Variants in OSBP2 observed in about 807,000 individuals in gnomAD.
The protein encoded by OSBP2 is oxysterol binding protein 2.
A neutral mutation model predicts 96.0 loss-of-function variants in OSBP2; 66 were observed. The observed-to-expected ratio is 0.69, with a 90% CI of 0.56 to 0.84. The LOEUF (loss-of-function observed/expected upper bound fraction) is 0.84, where lower values mean the gene tolerates loss of function less well. Ranked by LOEUF, OSBP2 falls within the 40% of genes least tolerant of loss-of-function variation. The pLI, the probability that OSBP2 is intolerant of heterozygous loss-of-function variation, is 0.00. For synonymous variants in OSBP2, 525 were observed against 520.9 expected, an observed-to-expected ratio of 1.01 and a Z score of -0.11; for missense variants, 1,038 against 1,222.7, an observed-to-expected ratio of 0.85 and a Z score of 2.25.
intron 2 of OSBP2, among the ~76,000 whole-genome samples, chr22:30,756,091 G>C (rs2090137392): frequency 6.6e-6 from 1 of 152,182 alleles, no homozygotes; most frequent in Non-Finnish European, 1.5e-5. Flanking sequence ...CTTAAAATCA[G>C]AAGCCCTGTT....
At chr22:30,764,119 C>A in intron 2 of OSBP2, 2 of 390,378 alleles carry the variant, frequency 5.1e-6, no homozygotes, top group Non-Finnish European at 7.0e-6. Flanking sequence ...TTCTGGGGGG[C>A]TAGCCTAGCG....
At chr22:30,852,012 G>A (rs900968590) in intron 2 of OSBP2, among the ~76,000 whole-genome samples, 1 of 152,092 alleles carries the variant, frequency 6.6e-6, no homozygotes, top group Non-Finnish European at 1.5e-5. Flanking sequence ...TTGCACGCCT[G>A]AGATAAACCC....
At chr22:30,788,826 C>T (rs774670499) in intron 2 of OSBP2, among the ~76,000 whole-genome samples, 18 of 152,138 alleles carry the variant, frequency 1.2e-4, no homozygotes, top group Non-Finnish European at 2.1e-4. Context: ...GATTCTCCTG[C>T]CTCAGCCTTC....
intron 2 of OSBP2, among the ~76,000 whole-genome samples, chr22:30,806,972 G>A (rs1003441291): frequency 2.0e-5 from 3 of 152,178 alleles, no homozygotes; most frequent in Non-Finnish European, 2.9e-5. Context: ...CTGAGTTCCA[G>A]GCATTGAAAT....
intron 2 of OSBP2, among the ~76,000 whole-genome samples, chr22:30,804,493 TG>T (rs1389347062): frequency 6.6e-6 from 1 of 152,072 alleles, no homozygotes; most frequent in African/African-American, 2.4e-5. Flanking sequence ...ATATGTGAGA[TG>T]ATGTGCTGGT....
chr22:30,865,104 C>T (rs2039305548), intron 2 of OSBP2, among the ~76,000 whole-genome samples: 1 of 152,170 alleles, frequency 6.6e-6, no homozygotes, highest in South Asian at 2.1e-4. Flanking sequence ...CTAAAAATAG[C>T]CCACCTGGCT....
At chr22:30,860,035 T>C (rs1227057138) in intron 2 of OSBP2, among the ~76,000 whole-genome samples, 1 of 152,204 alleles carries the variant, frequency 6.6e-6, no homozygotes, top group Non-Finnish European at 1.5e-5. Flanking sequence ...ACGTTAAAGC[T>C]GGCAGGACCT....
rs914856409 is a variant in OSBP2, at chr22:30,737,072, A to G, written c.645-4089A>G. 3.3e-5 allele frequency among the ~76,000 whole-genome samples: 5 copies of G among 152,042 alleles called. No individual in the cohort carries two copies. The East Asian group carries it at 7.8e-4, about 24-fold the overall frequency. ...GCTCTGTTGCCCAGGCTGGAGTGCA[A>G]TGGTGCAATCTTGGCTCGCTGCACC... On this transcript the variant is annotated intron_variant, in intron 1 of 13. Transcript: ENST00000332585.
At chr22:30,733,893 T>C (rs1460011838) in intron 1 of OSBP2, among the ~76,000 whole-genome samples, 1 of 152,198 alleles carries the variant, frequency 6.6e-6, no homozygotes, top group African/African-American at 2.4e-5. Context: ...CTGCAGATGT[T>C]TAGTATTTTG....
intron 2 of OSBP2, among the ~76,000 whole-genome samples, chr22:30,823,111 A>G (rs1164719037): frequency 6.6e-6 from 1 of 152,144 alleles, no homozygotes; most frequent in Non-Finnish European, 1.5e-5. Flanking sequence ...TGATTTGCCC[A>G]CAAGGGCCTC....
chr22:30,707,385 C>A (rs2089271336), intron 1 of OSBP2, among the ~76,000 whole-genome samples: 1 of 152,144 alleles, frequency 6.6e-6, no homozygotes, highest in African/African-American at 2.4e-5. Context: ...GCGTGAGCCA[C>A]CGTGCCCGGC....
chr22:30,804,381 A>G (rs891101757), intron 2 of OSBP2, among the ~76,000 whole-genome samples: 1 of 152,206 alleles, frequency 6.6e-6, no homozygotes, highest in African/African-American at 2.4e-5. Flanking sequence ...TGTTCCGTCT[A>G]TCTAGCTTAA....
chr22:30,850,856 G>A (rs781170725), intron 2 of OSBP2, among the ~76,000 whole-genome samples: 1 of 152,104 alleles, frequency 6.6e-6, no homozygotes, highest in South Asian at 2.1e-4. Context: ...AGTCTCCTGG[G>A]TTACTGAATG....
intron 1 of OSBP2, among the ~76,000 whole-genome samples, chr22:30,731,017 G>A (rs5753297): frequency 0.13 from 19,424 of 149,312 alleles, 1,942 homozygotes; most frequent in East Asian, 0.38. Context: ...TACTAAAGAT[G>A]CAAAAAATTA....
intron 1 of OSBP2, among the ~76,000 whole-genome samples, chr22:30,703,656 A>G (rs2145672665): frequency 6.6e-6 from 1 of 151,988 alleles, no homozygotes; most frequent in African/African-American, 2.4e-5. Flanking sequence ...TTGTATTTTT[A>G]GTAGAGACGG....
intron 2 of OSBP2, among the ~76,000 whole-genome samples, chr22:30,765,730 A>T (rs977646490): frequency 6.6e-6 from 1 of 152,170 alleles, no homozygotes; most frequent in African/African-American, 2.4e-5. Context: ...GACAAAAGTG[A>T]TGGTGTAGGG....
At chr22:30,879,182 C>T (rs892154314) in intron 3 of OSBP2, among the ~76,000 whole-genome samples, 8 of 152,198 alleles carry the variant, frequency 5.3e-5, no homozygotes, top group Admixed American at 2.6e-4. Context: ...GTGAGAGGCC[C>T]GGAGCTGCCC....
intron 2 of OSBP2, among the ~76,000 whole-genome samples, chr22:30,755,600 T>C (rs1428055354): frequency 6.6e-6 from 1 of 152,138 alleles, no homozygotes; most frequent in East Asian, 1.9e-4. Context: ...GGTGGCTGGA[T>C]TGAGGCCCTT....
chr22:30,711,410 G>T (rs2089347398), intron 1 of OSBP2, among the ~76,000 whole-genome samples: 1 of 151,870 alleles, frequency 6.6e-6, no homozygotes, highest in Admixed American at 6.6e-5. Flanking sequence ...TTTAAAGATA[G>T]AATATATTAT....
Sources: allele counts gnomAD v4.1 joint callset (sites outside exome capture counted in the v4.1 genomes callset), GRCh38; gene constraint gnomAD v4.1.1; transcripts MANE v1.5; gene names NCBI Gene and HGNC (gene_info 2026-07-23, HGNC 2026-07-21).